Variants in TMEM116 observed in about 807,000 individuals in gnomAD.
The protein encoded by TMEM116 is transmembrane protein 116.
A neutral mutation model predicts 44.3 loss-of-function variants in TMEM116; 38 were observed. That is an observed-to-expected ratio of 0.86 (90% CI 0.66 to 1.12). The LOEUF (loss-of-function observed/expected upper bound fraction) is 1.12. TMEM116 is among the 50% of genes most tolerant of loss of function. The pLI, the probability that TMEM116 is intolerant of heterozygous loss-of-function variation, is 0.00. For missense variants in TMEM116, 354 were observed against 401.7 expected, an observed-to-expected ratio of 0.88 and a Z score of 1.01; for synonymous variants, 132 against 144.8, an observed-to-expected ratio of 0.91 and a Z score of 0.64.
intron 9 of TMEM116, 97 bp downstream of exon 9, chr12:111,933,789 C>T: frequency 2.0e-6 from 3 of 1,492,582 alleles, no homozygotes; most frequent in Non-Finnish European, 2.7e-6. Context: ...AGCCACTGTG[C>T]CCGACCTCAG....
Position 111,975,535 on chromosome 12 carries a change from T to C in TMEM116, c.210+16223A>G, listed in dbSNP as rs1040479115. Among the ~76,000 whole-genome samples the C allele has an allele frequency of 9.9e-5, 15 of 152,256 alleles. No homozygotes were observed. The South Asian group carries it at 1.7e-3, about 17-fold the overall frequency. ...ATCAACTCTGATAAGAAGAACACAA[T>C]TGGAGAGCTAATACTGCCTAATTTC... On this transcript the variant is annotated intron_variant, in intron 4 of 10. Transcript: ENST00000552374.
chr12:111,978,375 C>A (rs550869557), intron 4 of TMEM116, among the ~76,000 whole-genome samples: 4 of 150,254 alleles, frequency 2.7e-5, no homozygotes, highest in Non-Finnish European at 4.4e-5. Flanking sequence ...CACTTCTGGG[C>A]GACAGAGTGA....
intron 5 of TMEM116, among the ~76,000 whole-genome samples, chr12:111,942,127 G>A (rs1443127330): frequency 1.3e-5 from 2 of 151,744 alleles, no homozygotes; most frequent in South Asian, 2.1e-4. Context: ...TAGTAGAGAC[G>A]GGGTTTCTCC....
At chr12:112,009,570 G>A (rs2077745171) in intron 1 of TMEM116, among the ~76,000 whole-genome samples, 1 of 151,654 alleles carries the variant, frequency 6.6e-6, no homozygotes. Context: ...GGGTGCAGTG[G>A]GTCACGCCTG....
intron 4 of TMEM116, among the ~76,000 whole-genome samples, chr12:111,944,562 C>A (rs1018065370): frequency 2.0e-5 from 3 of 152,020 alleles, no homozygotes; most frequent in Non-Finnish European, 2.9e-5. Context: ...GTGAGCTGAG[C>A]GACAGAATTC....
intron 5 of TMEM116, among the ~76,000 whole-genome samples, chr12:111,938,758 C>A (rs1016772220): frequency 6.6e-6 from 1 of 152,192 alleles, no homozygotes; most frequent in Non-Finnish European, 1.5e-5. Flanking sequence ...AAAATCTTGA[C>A]TTGTGTTAGA....
intron 4 of TMEM116, among the ~76,000 whole-genome samples, chr12:111,944,519 C>T (rs902452132): frequency 5.3e-5 from 8 of 151,836 alleles, no homozygotes; most frequent in African/African-American, 1.9e-4. Flanking sequence ...AGAGTGAGTA[C>T]AGGAGGGGGA....
At chr12:112,001,488 G>A (rs1168671021) in intron 3 of TMEM116, among the ~76,000 whole-genome samples, 1 of 152,056 alleles carries the variant, frequency 6.6e-6, no homozygotes, top group Non-Finnish European at 1.5e-5. Flanking sequence ...ATTTGGCATT[G>A]TTTGAAGAAA....
intron 3 of TMEM116, 137 bp downstream of exon 3, chr12:112,003,663 A>G (rs1338695931): frequency 7.8e-7 from 1 of 1,278,784 alleles, no homozygotes; most frequent in East Asian, 3.0e-5. Context: ...CATGCCAAAA[A>G]TATCTCATTG....
intron 4 of TMEM116, among the ~76,000 whole-genome samples, chr12:111,955,664 C>A (rs2074034183): frequency 6.6e-6 from 1 of 152,206 alleles, no homozygotes; most frequent in Non-Finnish European, 1.5e-5. Context: ...GCCTATTAAT[C>A]AAAAACTGAA....
chr12:111,998,825 CAAAGGGGG>C (rs941705036), intron 3 of TMEM116, among the ~76,000 whole-genome samples: 2 of 151,494 alleles, frequency 1.3e-5, no homozygotes, highest in African/African-American at 4.9e-5. Flanking sequence ...TCAGGAAAGG[CAAAGGGGG>C]AAAGGGGGAA....
At chr12:111,999,352 C>A (rs760962118) in intron 3 of TMEM116, among the ~76,000 whole-genome samples, 2 of 152,102 alleles carry the variant, frequency 1.3e-5, no homozygotes, top group Non-Finnish European at 2.9e-5. Flanking sequence ...AATCCCAGCA[C>A]TTTGGGAGGC....
At chr12:111,933,086 C>G (rs1347481546) in intron 9 of TMEM116, among the ~76,000 whole-genome samples, 5 of 151,904 alleles carry the variant, frequency 3.3e-5, no homozygotes, top group Non-Finnish European at 7.4e-5. Context: ...ATTAAAAATA[C>G]AAAAATTAGC....
intron 1 of TMEM116, among the ~76,000 whole-genome samples, chr12:112,008,279 G>A (rs991757520): frequency 2.0e-5 from 3 of 152,174 alleles, no homozygotes. Flanking sequence ...TCAGGAGTTG[G>A]AGACCAGCCT....
intron 4 of TMEM116, among the ~76,000 whole-genome samples, chr12:111,957,718 G>A (rs1272207099): frequency 4.6e-5 from 7 of 151,456 alleles, no homozygotes; most frequent in Non-Finnish European, 1.0e-4. Context: ...CTGCCTGGCA[G>A]CCCCGTCTGG....
rs79385099 is a variant in TMEM116, at chr12:111,994,172, T to C, written c.79-2283A>G. ...AGGAAATTGTCTATTCCTGATATAA[T>C]TACTAGAGTACTTTCACTTAAGTCA... On this transcript the variant is annotated intron_variant, in intron 3 of 10. Transcript: ENST00000552374. Among the ~76,000 whole-genome samples, 17 of 152,294 alleles carry C rather than the reference T, an allele frequency of 1.1e-4. 1 individual carries two copies. In the East Asian group the frequency reaches 3.3e-3, roughly 29 times the overall value.
chr12:112,002,101 T>G (rs2077289105), intron 3 of TMEM116, among the ~76,000 whole-genome samples: 1 of 152,198 alleles, frequency 6.6e-6, no homozygotes, highest in Admixed American at 6.5e-5. Flanking sequence ...CAAATCTATC[T>G]AGAATAAATA....
chr12:111,997,502 A>T (rs1422630520), intron 3 of TMEM116, among the ~76,000 whole-genome samples: 1 of 152,210 alleles, frequency 6.6e-6, no homozygotes, highest in Non-Finnish European at 1.5e-5. Flanking sequence ...TTGAGGCTAC[A>T]GTAGGCTATG....
chr12:112,007,519 G>A (rs2077650101), intron 1 of TMEM116, among the ~76,000 whole-genome samples: 1 of 152,206 alleles, frequency 6.6e-6, no homozygotes, highest in African/African-American at 2.4e-5. Flanking sequence ...TAGAGGTTAA[G>A]TTCTAATCAC....
Sources: gnomAD v4.1 joint callset for allele counts (sites outside exome capture counted in the v4.1 genomes callset) on GRCh38, gnomAD v4.1.1 for gene constraint, MANE v1.5 for transcripts, NCBI Gene and HGNC (gene_info 2026-07-23, HGNC 2026-07-21) for gene names.